Variants in LY6S observed in about 807,000 individuals in gnomAD.
LY6S encodes the protein lymphocyte antigen 6S.
chr8:143,073,779 C>A, the LY6S span, among the ~76,000 whole-genome samples: 693 of 91,994 alleles, frequency 7.5e-3, 3 homozygotes, highest in African/African-American at 0.036. Flanking sequence ...TCCCCGGGGT[C>A]CCTGTTTGAG....
At chr8:143,068,889 C>T in the LY6S span, among the ~76,000 whole-genome samples, 31 of 152,228 alleles carry the variant, frequency 2.0e-4, no homozygotes, top group Admixed American at 1.8e-3. Context: ...CAGGAGTGAG[C>T]TGGGCTGGGT....
chr8:143,057,365 T>C, the LY6S span: 1 of 399,878 alleles, frequency 2.5e-6, no homozygotes. Context: ...TTCTCCTGCC[T>C]CAGCCTCCTG....
chr8:143,076,367 C>A, the LY6S span, among the ~76,000 whole-genome samples: 1 of 152,228 alleles, frequency 6.6e-6, no homozygotes, highest in Non-Finnish European at 1.5e-5. Flanking sequence ...GGAGCCCTGT[C>A]AGCAGCAGAG....
At chr8:143,060,351 G>C in the LY6S span, among the ~76,000 whole-genome samples, 4 of 152,368 alleles carry the variant, frequency 2.6e-5, no homozygotes, top group African/African-American at 9.6e-5. Context: ...CTGTGATGCT[G>C]TGCTTCAGTG....
chr8:143,050,441 A>G, the LY6S span, among the ~76,000 whole-genome samples: 1 of 152,002 alleles, frequency 6.6e-6, no homozygotes, highest in African/African-American at 2.4e-5. Context: ...TCAGCCTCCT[A>G]AAGTGCTGGG....
At chr8:143,050,977 C>T in the LY6S span, among the ~76,000 whole-genome samples, 2 of 152,200 alleles carry the variant, frequency 1.3e-5, no homozygotes, top group African/African-American at 4.8e-5. Flanking sequence ...CTCCCTTGTC[C>T]CTCGTGCACA....
At chr8:143,058,781 C>T in the LY6S span, among the ~76,000 whole-genome samples, 1 of 152,242 alleles carries the variant, frequency 6.6e-6, no homozygotes, top group Non-Finnish European at 1.5e-5. Flanking sequence ...CCTCGGTCCG[C>T]CTGGCAACCG....
chr8:143,045,462 C>G, the LY6S span, among the ~76,000 whole-genome samples: 1 of 152,192 alleles, frequency 6.6e-6, no homozygotes, highest in Non-Finnish European at 1.5e-5. The surrounding 1 kb of genome is among the most constrained non-coding windows in gnomAD (Gnocchi z 5.3). Context: ...GAACATCCGG[C>G]TCTCCATCTC....
the LY6S span, among the ~76,000 whole-genome samples, chr8:143,064,003 G>A: frequency 6.6e-6 from 1 of 152,192 alleles, no homozygotes; most frequent in Non-Finnish European, 1.5e-5. Flanking sequence ...TCTGTGTAAG[G>A]ACCCCTAGTG....
chr8:143,066,603 C>T, the LY6S span: 35 of 249,824 alleles, frequency 1.4e-4, 1 homozygote, highest in African/African-American at 4.5e-4. Context: ...AGGCATAGAC[C>T]GGAAAGAGGA....
the LY6S span, chr8:143,044,361 G>T: frequency 2.5e-6 from 1 of 401,884 alleles, no homozygotes; most frequent in Admixed American, 2.7e-5. Flanking sequence ...GCACTGGGAG[G>T]GGCTGGGATG....
At chr8:143,042,110 G>A in the LY6S span, 2 of 136,286 alleles carry the variant, frequency 1.5e-5, no homozygotes, top group Admixed American at 7.2e-5. Context: ...ACTCCAGGCT[G>A]AGACGACCGT....
At chr8:143,061,432 A>G in the LY6S span, among the ~76,000 whole-genome samples, 1 of 152,240 alleles carries the variant, frequency 6.6e-6, no homozygotes, top group African/African-American at 2.4e-5. Context: ...AATAGCTTCA[A>G]AACATTTAAC....
the LY6S span, among the ~76,000 whole-genome samples, chr8:143,052,230 G>A: frequency 1.3e-5 from 2 of 151,930 alleles, no homozygotes; most frequent in East Asian, 1.9e-4. Flanking sequence ...GCAGTGAGCC[G>A]AGATCGCACC....
the LY6S span, among the ~76,000 whole-genome samples, chr8:143,051,355 A>T: frequency 6.6e-6 from 1 of 152,172 alleles, no homozygotes; most frequent in Non-Finnish European, 1.5e-5. Context: ...AGCCTAGCCA[A>T]CATGGTGAAA....
the LY6S span, among the ~76,000 whole-genome samples, chr8:143,069,553 T>G: frequency 6.6e-6 from 1 of 152,144 alleles, no homozygotes; most frequent in Non-Finnish European, 1.5e-5. Context: ...CGGCCATAGT[T>G]GCGATGATGC....
At chr8:143,054,769 G>A in the LY6S span, among the ~76,000 whole-genome samples, 8 of 152,146 alleles carry the variant, frequency 5.3e-5, no homozygotes, top group Non-Finnish European at 2.9e-5. Flanking sequence ...TCTTCCCTTG[G>A]GTTTAGTATT....
chr8:143,060,232 G>T, the LY6S span, among the ~76,000 whole-genome samples: 1 of 152,060 alleles, frequency 6.6e-6, no homozygotes, highest in East Asian at 1.9e-4. Context: ...AGGAAAGGGA[G>T]TCTCCCTTTC....
the LY6S span, among the ~76,000 whole-genome samples, chr8:143,055,687 G>A: frequency 1.1e-4 from 17 of 152,148 alleles, no homozygotes; most frequent in Admixed American, 3.3e-4. Flanking sequence ...TTGTACGAGC[G>A]CTTGTTTCAT....
Sources: gnomAD v4.1 joint callset for allele counts (sites outside exome capture counted in the v4.1 genomes callset) on GRCh38, gnomAD v4.1.1 for gene constraint, Gnocchi (gnomAD v3.1) non-coding constraint, MANE v1.5 for transcripts, NCBI Gene and HGNC (gene_info 2026-07-23, HGNC 2026-07-21) for gene names.